Variants in GANAB observed in about 807,000 individuals in gnomAD.
GANAB encodes the protein neutral alpha-glucosidase AB.
A neutral mutation model predicts 129.9 loss-of-function variants in GANAB; 35 were observed. That is an observed-to-expected ratio of 0.27 (90% confidence interval 0.21 to 0.36). GANAB has a LOEUF of 0.36. Among genes scored for constraint, GANAB ranks in the 10% least tolerant of loss-of-function variants. GANAB has a pLI of 1.00. For synonymous variants in GANAB, 482 were observed against 451.8 expected (o/e 1.07, Z -0.85); for missense variants, 939 against 1,221.0 (o/e 0.77, Z 3.44).
At position 62,639,483 on chromosome 11, in the gene GANAB, T is replaced by C; in HGVS notation, c.144-16A>G. On this transcript the variant is annotated splice_polypyrimidine_tract_variant and intron_variant, in intron 2 of 23. Coordinates refer to ENST00000356638, the MANE Select transcript of GANAB (RefSeq NM_198334.3). The stretch of plus-strand genomic sequence containing the variant: ...TCTCTGTCGCCTGCCAAGTGAAGGG[T>C]TGGGAAGTAAGGTAAAGGCCACCTG... The C allele has an allele frequency of 1.2e-6, 2 of 1,604,084 alleles. No homozygotes were observed. Among genetic ancestry groups the C allele is most frequent in the Non-Finnish European group, 1.7e-6 (2 of 1,171,136 alleles).
chr11:62,639,209 C>T, intron 3 of GANAB, 99 bp from the exon 4 acceptor site: 1 of 1,427,292 alleles, frequency 7.0e-7, no homozygotes, highest in East Asian at 2.3e-5. Flanking sequence ...TCCTTTGAGC[C>T]CTTTGCCTAA....
Position 62,634,611 on chromosome 11 carries a change from T to C in GANAB, c.560+210A>G, listed in dbSNP as rs1054195320. 14 of 612,762 alleles carry C rather than the reference T, an allele frequency of 2.3e-5. No homozygotes were observed. The African/African-American group carries it at 2.4e-4, about 11-fold the overall frequency. 38.0% of individuals were successfully genotyped at this position (612,762 alleles called of 1,614,324 possible). On this transcript the variant is annotated intron_variant, in intron 5 of 23. Transcript: ENST00000356638. Reference sequence around the variant, plus strand: ...CTCCCAGAGATGCCCAGGGTACAGCTCAGGGACAAAAGTGACTGCCTCCTG... The same window carrying C: ...CTCCCAGAGATGCCCAGGGTACAGCCCAGGGACAAAAGTGACTGCCTCCTG...
At chr11:62,629,358 G>A (rs1943553311) in intron 15 of GANAB, 63 bp from the exon 16 acceptor site, 1 of 1,146,870 alleles carries the variant, frequency 8.7e-7, no homozygotes, top group Admixed American at 1.7e-5. Flanking sequence ...TTACATGGCT[G>A]ACCTCCCACA....
At chr11:62,630,858 G>T in intron 10 of GANAB, 22 bp from the exon 11 acceptor site, 1 of 1,583,612 alleles carries the variant, frequency 6.3e-7, no homozygotes, top group Non-Finnish European at 8.7e-7. Context: ...TGAGGGATGG[G>T]GGTCACAACG....
intron 1 of GANAB, among the ~76,000 whole-genome samples, chr11:62,641,341 G>GAAAAAAAAAAAAAA (rs10629748): frequency 9.1e-6 from 1 of 109,976 alleles, no homozygotes. Flanking sequence ...AAAACTCTCA[G>GAAAAAAAAAAAAAA]AAAAAAAAAA....
chr11:62,637,898 CAA>C (rs975916004), intron 4 of GANAB, among the ~76,000 whole-genome samples: 13 of 120,888 alleles, frequency 1.1e-4, no homozygotes, highest in Admixed American at 1.7e-4. Flanking sequence ...GACTCCATCT[CAA>C]AAAAAAAAAA....
intron 1 of GANAB, among the ~76,000 whole-genome samples, chr11:62,645,261 G>C (rs986724960): frequency 3.3e-5 from 5 of 152,280 alleles, no homozygotes; most frequent in Admixed American, 6.5e-5. Context: ...TTGAGGCCGG[G>C]CGCGGTGGCT....
chr11:62,646,307 A>C (rs1214742127), intron 1 of GANAB, among the ~76,000 whole-genome samples: 1 of 152,230 alleles, frequency 6.6e-6, no homozygotes, highest in Admixed American at 6.5e-5. Context: ...AGAGCGGCCA[A>C]GACCAAGAAA....
At chr11:62,643,515 C>T (rs1803041283) in intron 1 of GANAB, among the ~76,000 whole-genome samples, 1 of 152,084 alleles carries the variant, frequency 6.6e-6, no homozygotes, top group Non-Finnish European at 1.5e-5. Flanking sequence ...TGGTGGCACA[C>T]GCCTGCAGTC....
At chr11:62,638,177 G>A (rs1490936837) in intron 4 of GANAB, among the ~76,000 whole-genome samples, 4 of 152,090 alleles carry the variant, frequency 2.6e-5, no homozygotes, top group Non-Finnish European at 4.4e-5. Flanking sequence ...TATTTGAGAC[G>A]GAGTCTCACT....
At chr11:62,637,453 C>T (rs1227525556) in intron 4 of GANAB, among the ~76,000 whole-genome samples, 2 of 151,980 alleles carry the variant, frequency 1.3e-5, no homozygotes, top group South Asian at 2.1e-4. Flanking sequence ...ATTGGTAAAC[C>T]ACTTTGGCTT....
rs564252697 is a variant in GANAB at position 62,639,805 on chromosome 11, C to T, written c.39-74G>A. The T allele has an allele frequency of 4.3e-4, 372 of 856,858 alleles. No individual in the cohort carries two copies. In the African/African-American group the frequency reaches 5.4e-3, roughly 12 times the overall value. The allele number at this position is 856,858 out of a possible 1,614,324, so 53.1% of individuals were successfully genotyped here. On this transcript the variant is annotated intron_variant, in intron 1 of 23. Transcript: ENST00000356638. ...GGGCCCCCTTCAAAAGGAAAAGCTT[C>T]TTCCTGTCATAGCACTAGAAGATAG...
At chr11:62,626,259 A>G in intron 22 of GANAB, 76 bp downstream of exon 22, 1 of 1,333,748 alleles carries the variant, frequency 7.5e-7, no homozygotes, top group Non-Finnish European at 1.1e-6. Flanking sequence ...GTGAGAAAAG[A>G]GCACAGTGAA....
intron 1 of GANAB, 133 bp downstream of exon 1, chr11:62,646,429 G>T: frequency 9.6e-7 from 1 of 1,036,346 alleles, no homozygotes; most frequent in South Asian, 1.4e-5. Flanking sequence ...GTCTGAGGCC[G>T]CCTCCAGAGG....
chr11:62,626,991 C>A, intron 19 of GANAB, 57 bp from the exon 20 acceptor site: 1 of 1,579,270 alleles, frequency 6.3e-7, no homozygotes. Flanking sequence ...GGGTCCCGTC[C>A]TGTTTGCCTC....
In GANAB at chr11:62,626,640, C is replaced by T. The variant is rs768908539; in HGVS notation, c.2442G>A (p.Met814Ile). The T allele has an allele frequency of 1.9e-6, 3 of 1,612,166 alleles. No individual in the cohort carries two copies. Among genetic ancestry groups the T allele is most frequent in the Non-Finnish European group, 2.5e-6 (3 of 1,179,028 alleles). Residue 814 changes from methionine (M) to isoleucine (I), a missense_variant, in exon 21 of 24, where the codon ATG (methionine) becomes ATA (isoleucine). By Grantham distance (10) the Met-to-Ile change is conservative (BLOSUM62 1). Coordinates refer to ENST00000356638, the MANE Select transcript of GANAB (RefSeq NM_198334.3). ...TACATTCTGAAGACCGCCGCACTCG[C>T]ATCCATCGAGGCACGATTGTCCCTC... ...QRGGTIVPRW[M>I]RVRRSSECMK...
chr11:62,643,806 ACT>A (rs149780002), intron 1 of GANAB, among the ~76,000 whole-genome samples: 1,776 of 152,048 alleles, frequency 0.012, 24 homozygotes, highest in African/African-American at 0.028. Flanking sequence ...ACAAAGTGTG[ACT>A]CTGTCTCAAA....
At position 62,639,053 on chromosome 11, in the gene GANAB, C is replaced by T; in HGVS notation, c.310G>A (p.Asp104Asn). Reference sequence around the variant, plus strand: ...CGGGGTCGCCGAGGCTCCAGCTCATCAATCCTGAACCGAGTCATGTTCTTT... The same window carrying T: ...CGGGGTCGCCGAGGCTCCAGCTCATTAATCCTGAACCGAGTCATGTTCTTT... Reference protein sequence around the residue: ...LQKNMTRFRIDELEPRRPRYR... With the variant: ...LQKNMTRFRINELEPRRPRYR... The change falls in exon 4 of 24, where the codon GAT becomes AAT. Residue 104 changes from aspartate to asparagine, a missense_variant. Physicochemically the swap from Asp to Asn is conservative, Grantham distance 23. This residue lies in a region of GANAB where 321 missense variants were observed against 329.1 expected (regional missense o/e 0.98). Transcript: ENST00000356638. 6.2e-7 allele frequency: 1 copy of T among 1,614,054 alleles called. No homozygotes were observed. Among genetic ancestry groups the T allele is most frequent in the East Asian group, 2.2e-5 (1 of 44,880 alleles).
intron 18 of GANAB, 50 bp from the exon 19 acceptor site, chr11:62,627,174 A>G (rs767980518): frequency 6.6e-7 from 1 of 1,508,546 alleles, no homozygotes; most frequent in African/African-American, 1.4e-5. Context: ...TTCCCAGAAC[A>G]GGGAACACCA....
Sources: allele counts gnomAD v4.1 joint callset (sites outside exome capture counted in the v4.1 genomes callset), GRCh38; gene constraint gnomAD v4.1.1; regional missense constraint gnomAD v4.1.1; transcripts MANE v1.5; gene names NCBI Gene and HGNC (gene_info 2026-07-23, HGNC 2026-07-21).